FBXO42: variants seen among roughly 807,000 people sequenced by gnomAD.
FBXO42 encodes F-box only protein 42.
FBXO42 carries 12 observed loss-of-function variants against 71.7 expected under a neutral mutation model. The observed-to-expected ratio is 0.17, with a 90% CI of 0.11 to 0.27. The LOEUF (loss-of-function observed/expected upper bound fraction) is 0.27, where lower values mean the gene tolerates loss of function less well. FBXO42 is among the 10% of genes least tolerant of loss of function. FBXO42 has a pLI of 1.00. For missense variants in FBXO42, 707 were observed against 911.9 expected (o/e 0.78, Z 2.89); for synonymous variants, 325 against 327.5 (o/e 0.99, Z 0.08).
intron 3 of FBXO42, among the ~76,000 whole-genome samples, chr1:16,300,081 A>G (rs748514730): frequency 9.5e-4 from 144 of 152,212 alleles, no homozygotes; most frequent in Non-Finnish European, 1.7e-3. Flanking sequence ...CTTTTAGGAA[A>G]AAGAATTTGA....
intron 1 of FBXO42, among the ~76,000 whole-genome samples, chr1:16,350,757 A>AAAAAAAAAAAAGAAAG (rs1553156683): frequency 2.3e-5 from 1 of 44,250 alleles, no homozygotes; most frequent in African/African-American, 8.5e-5. Context: ...AAAAAAAAAA[A>AAAAAAAAAAAAGAAAG]AAAGAAAGAA....
At chr1:16,348,482 T>C (rs1289647523) in intron 1 of FBXO42, among the ~76,000 whole-genome samples, 2 of 151,986 alleles carry the variant, frequency 1.3e-5, no homozygotes, top group Non-Finnish European at 2.9e-5. Flanking sequence ...GCGGATCACA[T>C]GGTCAGGAGT....
At position 16,292,517 on chromosome 1, in the gene FBXO42, A is replaced by C. The variant is rs907712435; in HGVS notation, c.502+2266T>G. ...TCACCATGTTGCCCAGGTGAGTCTC[A>C]AACTCCTGGCCTCAAGGGATCCTTC... On this transcript the variant is annotated intron_variant, in intron 4 of 9. Transcript: ENST00000375592. The C allele has an allele frequency of 2.6e-5, 4 of 152,056 alleles. No homozygotes were observed. In the East Asian group the frequency reaches 5.8e-4, roughly 22 times the overall value. 9.4% of individuals were successfully genotyped at this position (152,056 alleles called of 1,614,324 possible).
chr1:16,250,892 C>T lies in FBXO42; in HGVS notation c.1932G>A (p.Met644Ile). The stretch of plus-strand genomic sequence containing the variant: ...CTTTAATGTCCAGCACGTACATCTG[C>T]ATGGGCTTGCAGTTCATACTCTGGT... ...PLYQSMNCKP[M>I]QMYVLDIKDT... The change falls in exon 10 of 10, where the codon ATG (methionine) becomes ATA (isoleucine). Residue 644 changes from methionine to isoleucine, a missense_variant. Coordinates refer to ENST00000375592, the MANE Select transcript of FBXO42 (RefSeq NM_018994.3). The surrounding 1 kb of genome is among the most constrained non-coding windows in gnomAD (Gnocchi z 4.7). 5 of 1,614,178 alleles carry T rather than the reference C, an allele frequency of 3.1e-6. No individual in the cohort carries two copies. Among genetic ancestry groups the T allele is most frequent in the Non-Finnish European group, 4.2e-6 (5 of 1,180,040 alleles).
At position 16,283,501 on chromosome 1, in the gene FBXO42, T is replaced by TTTTTTGTTTTTG. The variant is rs1447588772; in HGVS notation, c.502+11281_502+11282insCAAAAACAAAAA. ...CTCTTCTAACTGTGGCAAGTTTTTTTTTTTTTTTTTTTTTTTGAGACAGTC... is the reference window on the plus strand; with the variant it reads ...CTCTTCTAACTGTGGCAAGTTTTTTTTTTTTGTTTTTGTTTTTTTTTTTTTTTTGAGACAGTC... On this transcript the variant is annotated intron_variant, in intron 4 of 9. Coordinates refer to ENST00000375592, the MANE Select transcript of FBXO42 (RefSeq NM_018994.3). 3.1e-4 allele frequency among the ~76,000 whole-genome samples: 42 copies of TTTTTTGTTTTTG among 136,604 alleles called. No individual in the cohort carries two copies. The East Asian group carries it at 7.0e-3, about 23-fold the overall frequency. The allele number at this position is 136,604 out of a possible 152,430, so 89.6% of individuals were successfully genotyped here. A position where few individuals can be genotyped will look rare whatever the true frequency, so the allele number is the denominator to read the frequency against.
chr1:16,327,231 G>A (rs2082459429), intron 1 of FBXO42, among the ~76,000 whole-genome samples: 1 of 152,168 alleles, frequency 6.6e-6, no homozygotes, highest in Non-Finnish European at 1.5e-5. Context: ...GAGGTGTTCA[G>A]TGTTGAAAGA....
intron 3 of FBXO42, among the ~76,000 whole-genome samples, chr1:16,298,805 C>T (rs1464425165): frequency 1.3e-5 from 2 of 151,986 alleles, no homozygotes; most frequent in South Asian, 2.1e-4. Context: ...CCACCGCGCC[C>T]GGCCAATGTC....
At chr1:16,266,529 T>A (rs375519856) in intron 4 of FBXO42, among the ~76,000 whole-genome samples, 1 of 152,170 alleles carries the variant, frequency 6.6e-6, no homozygotes, top group African/African-American at 2.4e-5. Context: ...AGTATACCAG[T>A]CCTTCACACA....
intron 4 of FBXO42, among the ~76,000 whole-genome samples, chr1:16,287,352 T>C (rs2082032953): frequency 1.3e-5 from 2 of 152,220 alleles, no homozygotes; most frequent in Admixed American, 6.5e-5. Context: ...CTAGCCATAC[T>C]GTAGTTTCTC....
At chr1:16,351,195 T>C (rs1423064387) in intron 1 of FBXO42, among the ~76,000 whole-genome samples, 1 of 152,218 alleles carries the variant, frequency 6.6e-6, no homozygotes, top group East Asian at 1.9e-4. Flanking sequence ...GCCTCAACAA[T>C]TCTGCATAGC....
At chr1:16,264,891 CTTG>C (rs2081754456) in intron 4 of FBXO42, among the ~76,000 whole-genome samples, 1 of 152,180 alleles carries the variant, frequency 6.6e-6, no homozygotes, top group African/African-American at 2.4e-5. Context: ...ACACGGCATT[CTTG>C]TTTACGTTTG....
intron 3 of FBXO42, among the ~76,000 whole-genome samples, chr1:16,299,474 TGCAA>T (rs2082168109): frequency 6.6e-6 from 1 of 152,134 alleles, no homozygotes; most frequent in Non-Finnish European, 1.5e-5. Context: ...GCCCAAAGTA[TGCAA>T]AGCTAATGGC....
At chr1:16,313,572 G>A (rs1569907694) in intron 2 of FBXO42, among the ~76,000 whole-genome samples, 2 of 152,194 alleles carry the variant, frequency 1.3e-5, no homozygotes, top group African/African-American at 2.4e-5. Flanking sequence ...GTGTGTGCCA[G>A]TATTGGCAGT....
intron 1 of FBXO42, among the ~76,000 whole-genome samples, chr1:16,316,788 C>A (rs1569914131): frequency 1.4e-5 from 2 of 146,154 alleles, no homozygotes; most frequent in Middle Eastern, 3.5e-3. Flanking sequence ...ACTTCACTTG[C>A]TAAAATACCA....
chr1:16,265,273 T>C (rs1279938521), intron 4 of FBXO42, among the ~76,000 whole-genome samples: 1 of 152,072 alleles, frequency 6.6e-6, no homozygotes, highest in Admixed American at 6.6e-5. Flanking sequence ...GTATTTTTAG[T>C]AAAGATGGGG....
chr1:16,301,946 A>C (rs79944689), intron 3 of FBXO42, among the ~76,000 whole-genome samples: 2,945 of 152,240 alleles, frequency 0.019, 78 homozygotes, highest in African/African-American at 0.068. Flanking sequence ...TCTATGGCAC[A>C]AACAGAATTT....
intron 1 of FBXO42, among the ~76,000 whole-genome samples, chr1:16,321,416 C>A (rs1213714486): frequency 6.6e-6 from 1 of 152,140 alleles, no homozygotes; most frequent in Admixed American, 6.6e-5. Flanking sequence ...TGTTTTCATG[C>A]CAAAAGAAGC....
At chr1:16,289,252 A>G (rs2100519835) in intron 4 of FBXO42, among the ~76,000 whole-genome samples, 1 of 151,994 alleles carries the variant, frequency 6.6e-6, no homozygotes, top group Middle Eastern at 3.4e-3. Context: ...GAAAGAAAAG[A>G]AAATGTCCCG....
At chr1:16,307,161 G>A (rs2082260160) in intron 2 of FBXO42, among the ~76,000 whole-genome samples, 1 of 151,972 alleles carries the variant, frequency 6.6e-6, no homozygotes, top group Non-Finnish European at 1.5e-5. Context: ...CAAAATGTTG[G>A]GACTACAGGT....
Sources: allele counts gnomAD v4.1 joint callset (sites outside exome capture counted in the v4.1 genomes callset), GRCh38; gene constraint gnomAD v4.1.1; non-coding constraint Gnocchi (gnomAD v3.1); transcripts MANE v1.5; gene names NCBI Gene and HGNC (gene_info 2026-07-23, HGNC 2026-07-21).